CLK1: variants seen among roughly 807,000 people sequenced by gnomAD.
The protein encoded by CLK1 is CDC like kinase 1.
Under a neutral mutation model 60.9 loss-of-function variants are expected in CLK1, and 40 were observed. The observed-to-expected ratio is 0.66, with a 90% CI of 0.51 to 0.86. CLK1 has a LOEUF of 0.86. Ranked by LOEUF, CLK1 falls within the 40% of genes least tolerant of loss-of-function variation. The pLI is 0.00. For missense variants in CLK1, 563 were observed against 606.1 expected (o/e 0.93, Z 0.75); for synonymous variants, 203 against 184.4 (o/e 1.10, Z -0.82).
At chr2:200,860,930 G>A (rs2039126817) in intron 3 of CLK1, 1 of 1,124,778 alleles carries the variant, frequency 8.9e-7, no homozygotes, top group Non-Finnish European at 1.1e-6. Context: ...CAGGTTTCTT[G>A]AAGTACCACA....
intron 7 of CLK1, chr2:200,857,280 T>C: frequency 3.0e-6 from 1 of 331,908 alleles, no homozygotes; most frequent in Admixed American, 4.5e-5. Context: ...CACTTCAGCC[T>C]GAACAACAAA....
chr2:200,864,090 T>C (rs62189327), intron 1 of CLK1: 1 of 1,547,272 alleles, frequency 6.5e-7, no homozygotes, highest in Non-Finnish European at 8.7e-7. Flanking sequence ...TCCGTCTCTT[T>C]CTCCACTTAC....
intron 5 of CLK1, 181 bp from the exon 6 acceptor site, chr2:200,858,270 C>G (rs533652157): frequency 1.7e-6 from 1 of 596,478 alleles, no homozygotes; most frequent in East Asian, 2.8e-5. Flanking sequence ...AACCACCACT[C>G]ACATGAGTTA....
At position 200,861,278 on chromosome 2, in the gene CLK1, T is replaced by C. The variant is rs745503213; in HGVS notation, c.350A>G (p.His117Arg). 6.2e-7 allele frequency: 1 copy of C among 1,614,188 alleles called. No homozygotes were observed. Among genetic ancestry groups the C allele is most frequent in the South Asian group, 1.1e-5 (1 of 91,084 alleles). Reference sequence around the variant, plus strand: ...ATGTGAAGTACTGTGGTGAATCCTGTGTTTGCTTTTATAACTACTTCTTCC... The same window carrying C: ...ATGTGAAGTACTGTGGTGAATCCTGCGTTTGCTTTTATAACTACTTCTTCC... ...RSGRSSYKSK[H>R]RIHHSTSHRR... Residue 117 changes from histidine (H) to arginine (R), a missense_variant, in exon 3 of 13, where the codon CAC (histidine) becomes CGC (arginine). His to Arg is a conservative substitution (Grantham distance 29). Around this residue, in one of 3 missense-constraint regions of CLK1, gnomAD observed 198 missense variants for 179.2 expected, o/e 1.10. Transcript: ENST00000321356.
Position 200,853,158 on chromosome 2 carries a change from ACTTAATG to A in CLK1, c.*141_*147del. 3.5e-6 allele frequency: 2 copies of A among 565,480 alleles called. No individual in the cohort carries two copies. Among genetic ancestry groups the A allele is most frequent in the Non-Finnish European group, 6.0e-6 (2 of 331,542 alleles). 35.0% of individuals were successfully genotyped at this position (565,480 alleles called of 1,614,324 possible). ...AAGATGTTCATTACCTTAGCTATGT[ACTTAATG>A]AACCAAATTACCCAAACAAAATAAA... On this transcript the variant is annotated 3_prime_UTR_variant, in exon 13 of 13. Coordinates refer to ENST00000321356, the MANE Select transcript of CLK1 (RefSeq NM_004071.4).
chr2:200,855,312 T>G (rs2039020197), intron 9 of CLK1, among the ~76,000 whole-genome samples: 1 of 151,542 alleles, frequency 6.6e-6, no homozygotes, highest in Non-Finnish European at 1.5e-5. Context: ...CCCACCTCTA[T>G]TAAGATATAT....
At chr2:200,860,699 A>G in intron 3 of CLK1, 1 of 998,244 alleles carries the variant, frequency 1.0e-6, no homozygotes, top group Non-Finnish European at 1.2e-6. Flanking sequence ...GGAAAAAAAG[A>G]TTTGGCATAC....
In CLK1 at chr2:200,861,759, T is replaced by C; in HGVS notation, c.104A>G (p.His35Arg). The change falls in exon 2 of 13, where the codon CAT (histidine) becomes CGT (arginine). Residue 35 changes from histidine (H) to arginine (R), a missense_variant. This residue lies in a region of CLK1 where 198 missense variants were observed against 179.2 expected (regional missense o/e 1.10). Transcript: ENST00000321356. ...GCGCTTGTTCTCCTGGGCACTGCTATGTGATCTCTTCCTTCTTTTATGACT... is the reference window on the plus strand; with the variant it reads ...GCGCTTGTTCTCCTGGGCACTGCTACGTGATCTCTTCCTTCTTTTATGACT... The part of the protein sequence containing the change: ...SSSHKRRKRS[H>R]SSAQENKRCK... 1.2e-6 allele frequency: 2 copies of C among 1,614,178 alleles called. No homozygotes were observed. The highest frequency in any genetic ancestry group is 8.5e-7 in the Non-Finnish European group (1 of 1,180,014).
chr2:200,855,124 C>A, intron 9 of CLK1, 38 bp from the exon 10 acceptor site: 2 of 1,439,674 alleles, frequency 1.4e-6, no homozygotes, highest in Non-Finnish European at 1.9e-6. Flanking sequence ...AAAAAATACT[C>A]AATGTTTGTT....
chr2:200,859,468 T>C (rs1559327865), intron 5 of CLK1, among the ~76,000 whole-genome samples: 1 of 152,196 alleles, frequency 6.6e-6, no homozygotes, highest in Non-Finnish European at 1.5e-5. Flanking sequence ...ATAAAGTGTG[T>C]TCTCAGCCTA....
chr2:200,864,312 GAAGCTCC>G (rs1344915984), intron 1 of CLK1: 4 of 1,451,002 alleles, frequency 2.8e-6, no homozygotes, highest in East Asian at 2.5e-5. Flanking sequence ...GCGGAGGGCA[GAAGCTCC>G]AAGAGGGCGG....
In CLK1 at chr2:200,861,915, T is replaced by C. The variant is rs574821243; in HGVS notation, c.1-53A>G. On this transcript the variant is annotated intron_variant, in intron 1 of 12. Transcript: ENST00000321356. ...TAAATTGTACCCCACACTGAGCTGTTTAAAATTCGTAATTACAAAGGTCCC... is the reference window on the plus strand; with the variant it reads ...TAAATTGTACCCCACACTGAGCTGTCTAAAATTCGTAATTACAAAGGTCCC... 39 of 1,528,898 alleles carry C rather than the reference T, an allele frequency of 2.6e-5. No individual in the cohort carries two copies. The African/African-American group carries it at 5.4e-4, about 21-fold the overall frequency. The allele number at this position is 1,528,898 out of a possible 1,614,324, so 94.7% of individuals were successfully genotyped here. A position where few individuals can be genotyped will look rare whatever the true frequency, so the allele number is the denominator to read the frequency against.
At position 200,856,635 on chromosome 2, in the gene CLK1, T is replaced by C. The variant is rs372122091; in HGVS notation, c.1057+47A>G. The C allele has an allele frequency of 2.7e-4, 401 of 1,508,888 alleles. 4 individuals carry two copies. In the South Asian group the frequency reaches 2.9e-3, roughly 11 times the overall value. 93.5% of individuals were successfully genotyped at this position (1,508,888 alleles called of 1,614,324 possible). ...CTAAAACTGCTAAAAAAATTTTAAGTCTCAATAAGGAAATACAAAGGTTCT... is the reference window on the plus strand; with the variant it reads ...CTAAAACTGCTAAAAAAATTTTAAGCCTCAATAAGGAAATACAAAGGTTCT... On this transcript the variant is annotated intron_variant, in intron 9 of 12. Transcript: ENST00000321356.
At chr2:200,860,079 A>AT (rs2039111376) in intron 4 of CLK1, 46 bp downstream of exon 4, 1 of 1,601,620 alleles carries the variant, frequency 6.2e-7, no homozygotes, top group Non-Finnish European at 8.6e-7. Flanking sequence ...CTATATATAG[A>AT]TTATGTTATC....
In CLK1 at chr2:200,853,580, C is replaced by G. The variant is rs967261715; in HGVS notation, c.1312-131G>C. 15 of 831,982 alleles carry G rather than the reference C, an allele frequency of 1.8e-5. No homozygotes were observed. In the African/African-American group the frequency reaches 2.3e-4, roughly 13 times the overall value. 51.5% of individuals were successfully genotyped at this position (831,982 alleles called of 1,614,324 possible). A position where few individuals can be genotyped will look rare whatever the true frequency, so the allele number is the denominator to read the frequency against. On this transcript the variant is annotated intron_variant, in intron 12 of 12. Transcript: ENST00000321356. The stretch of plus-strand genomic sequence containing the variant: ...AAGAGGCCAGGCATGGTCGCTCACG[C>G]CTATAATCCCAGCACTCTGGGAGGC...
chr2:200,859,946 T>A lies in CLK1; in HGVS notation c.481+179A>T, dbSNP rs575425502. On this transcript the variant is annotated intron_variant, in intron 4 of 12. Coordinates refer to ENST00000321356, the MANE Select transcript of CLK1 (RefSeq NM_004071.4). Reference sequence around the variant, plus strand: ...TGATTACTGTTCTGGAAGTTCTATATAACAAACATTACATTTCTAAAGAAA... The same window carrying A: ...TGATTACTGTTCTGGAAGTTCTATAAAACAAACATTACATTTCTAAAGAAA... The A allele has an allele frequency of 5.4e-4, 780 of 1,431,882 alleles. No homozygotes were observed. The highest frequency in any genetic ancestry group is 6.7e-4 in the Non-Finnish European group (732 of 1,095,034). The allele number at this position is 1,431,882 out of a possible 1,614,324, so 88.7% of individuals were successfully genotyped here.
chr2:200,855,144 A>G (rs2039017709), intron 9 of CLK1, 58 bp from the exon 10 acceptor site: 3 of 1,347,686 alleles, frequency 2.2e-6, no homozygotes, highest in East Asian at 2.3e-5. Context: ...TAAAGAAATT[A>G]AAAAGTTAGT....
intron 10 of CLK1, 139 bp from the exon 11 acceptor site, chr2:200,854,834 T>C (rs2039013010): frequency 1.3e-6 from 1 of 779,986 alleles, no homozygotes. Context: ...GATAATTGCT[T>C]ATATACTGAA....
intron 9 of CLK1, 74 bp from the exon 10 acceptor site, chr2:200,855,160 C>A: frequency 1.8e-6 from 2 of 1,104,854 alleles, no homozygotes; most frequent in Admixed American, 4.6e-5. Flanking sequence ...TTAGTTAACA[C>A]TAATACTTTA....
Sources: allele counts gnomAD v4.1 joint callset (sites outside exome capture counted in the v4.1 genomes callset), GRCh38; gene constraint gnomAD v4.1.1; regional missense constraint gnomAD v4.1.1; transcripts MANE v1.5; gene names NCBI Gene and HGNC (gene_info 2026-07-23, HGNC 2026-07-21).